AMPD2: variants seen among roughly 807,000 people sequenced by gnomAD.
The protein encoded by AMPD2 is adenosine monophosphate deaminase 2.
In AMPD2, 52 loss-of-function variants were observed where a neutral mutation model predicts 91.3. That is an observed-to-expected ratio of 0.57 (90% CI 0.46 to 0.72). The LOEUF (loss-of-function observed/expected upper bound fraction) is 0.72, where lower values mean the gene tolerates loss of function less well. AMPD2 is among the 30% of genes least tolerant of loss of function. The probability of loss-of-function intolerance (pLI) is 0.00; values close to 1 mark genes in which losing one functional copy is unlikely to be tolerated. For synonymous variants in AMPD2, 455 were observed against 456.4 expected (o/e 1.00, Z 0.04); for missense variants, 822 against 1,122.3 (o/e 0.73, Z 3.82).
intron 9 of AMPD2, 43 bp from the exon 10 acceptor site, chr1:109,627,731 C>T (rs1296817965): frequency 1.9e-6 from 3 of 1,607,216 alleles, no homozygotes; most frequent in Admixed American, 3.4e-5. Context: ...CCAGGTGCCT[C>T]CCTTCAGGGC....
intron 2 of AMPD2, chr1:109,622,243 A>G (rs1301971008): frequency 2.2e-6 from 1 of 456,344 alleles, no homozygotes; most frequent in Admixed American, 2.3e-5. Flanking sequence ...GGTCTGTGCC[A>G]TCCAGAAAGG....
Position 109,621,188 on chromosome 1 carries a change from C to G in AMPD2, c.13C>G (p.Pro5Ala). MASY[P>A]SGSGKPKAKY... ...CGTGGTCCCAGCCATGGCATCCTAT[C>G]CATCTGGCTCTGGCAAGCCCAAGGC... Residue 5 changes from proline (P) to alanine (A), a missense_variant, in exon 2 of 19, where the codon CCA becomes GCA. Transcript: ENST00000528667. 6.2e-7 allele frequency: 1 copy of G among 1,605,938 alleles called. No homozygotes were observed. Among genetic ancestry groups the G allele is most frequent in the Non-Finnish European group, 8.5e-7 (1 of 1,175,908 alleles).
chr1:109,620,856 TG>T (rs1650186686), intron 1 of AMPD2, 57 bp from the exon 2 acceptor site: 2 of 1,434,072 alleles, frequency 1.4e-6, no homozygotes, highest in Non-Finnish European at 1.8e-6. Context: ...AGTGGAGAGC[TG>T]GGGGCTGGCC....
At chr1:109,630,602 AGAGT>A in intron 17 of AMPD2, 77 bp from the exon 18 acceptor site, 1 of 1,203,324 alleles carries the variant, frequency 8.3e-7, no homozygotes, top group Admixed American at 2.1e-5. Context: ...GGGGGTGGGG[AGAGT>A]GAGTGAGGAG....
rs114463063 is a variant in AMPD2 at position 109,627,311 on chromosome 1, C to A, written c.855C>A (p.Asp285Glu). Residue 285 changes from aspartate to glutamate, a missense_variant, in exon 8 of 19, where the codon GAC becomes GAA. Physicochemically the swap from Asp to Glu is conservative, Grantham distance 45. Transcript: ENST00000528667. ...VVHVYTRREP[D>E]EHCSEVELPY... ...ACGTCTACACCCGCAGGGAACCCGA[C>A]GAGCAGTAAGAGGGGTGTGGTGCAT... 1.9e-6 allele frequency: 3 copies of A among 1,604,380 alleles called. No homozygotes were observed. Among genetic ancestry groups the A allele is most frequent in the African/African-American group, 1.3e-5 (1 of 74,848 alleles).
chr1:109,620,563 C>A, intron 1 of AMPD2: 1 of 1,261,582 alleles, frequency 7.9e-7, no homozygotes. Flanking sequence ...CGGGACAGGC[C>A]CCTCCCTCCT....
rs1650591141 is a variant in AMPD2 at position 109,625,496 on chromosome 1, ACCCCTCACCTCAAGCTGT to A, written c.222+76_222+93del. 2 of 1,606,078 alleles carry A rather than the reference ACCCCTCACCTCAAGCTGT, an allele frequency of 1.2e-6. No homozygotes were observed. Among genetic ancestry groups the A allele is most frequent in the African/African-American group, 2.7e-5 (2 of 74,504 alleles). ...TCCATGCCCTGCCTCTGCTCCCCAC[ACCCCTCACCTCAAGCTGT>A]CCCCTCACCTCACGCTTGGCTGTCT... On this transcript the variant is annotated intron_variant, in intron 3 of 18. Coordinates refer to ENST00000528667, the MANE Select transcript of AMPD2 (RefSeq NM_001368809.2). This position sits in a 1 kb window ranked among gnomAD's most constrained non-coding sequence, Gnocchi z 4.0.
intron 1 of AMPD2, 180 bp from the exon 2 acceptor site, chr1:109,620,734 C>T: frequency 1.3e-5 from 16 of 1,243,154 alleles, no homozygotes; most frequent in Non-Finnish European, 1.6e-5. Flanking sequence ...CTGCTGAATT[C>T]CTGTTTGTTA....
intron 17 of AMPD2, 114 bp from the exon 18 acceptor site, chr1:109,630,569 G>A (rs1651138306): frequency 2.1e-6 from 2 of 959,818 alleles, no homozygotes; most frequent in Non-Finnish European, 3.1e-6. Context: ...TGAGGGGTTG[G>A]GGGGTTGGGG....
Position 109,625,465 on chromosome 1 carries a change from C to T in AMPD2, c.222+32C>T, listed in dbSNP as rs368565691. 3.2e-5 allele frequency: 51 copies of T among 1,613,354 alleles called. No individual in the cohort carries two copies. The highest frequency in any genetic ancestry group is 3.6e-5 in the Non-Finnish European group (42 of 1,179,776). On this transcript the variant is annotated intron_variant, in intron 3 of 18. Coordinates refer to ENST00000528667, the MANE Select transcript of AMPD2 (RefSeq NM_001368809.2). The surrounding 1 kb of genome is among the most constrained non-coding windows in gnomAD (Gnocchi z 4.0). ...CCTGGCACCACCCGCACCCTCACCCCGTGTCTCCATGCCCTGCCTCTGCTC... is the reference window on the plus strand; with the variant it reads ...CCTGGCACCACCCGCACCCTCACCCTGTGTCTCCATGCCCTGCCTCTGCTC...
intron 2 of AMPD2, chr1:109,621,473 C>T: frequency 3.0e-6 from 2 of 669,570 alleles, no homozygotes; most frequent in South Asian, 1.7e-5. Context: ...ATATCTGTGC[C>T]AGGGATGCTG....
chr1:109,626,808 T>C lies in AMPD2; in HGVS notation c.614T>C (p.Leu205Pro). ...CGGGAGAAGTACATGGCCCTGTCCC[T>C]GCAGAGCTTCTGCCCCACCACCCGC... ...FIREKYMALS[L>P]QSFCPTTRRY... The change falls in exon 7 of 19, where the codon CTG (leucine) becomes CCG (proline). Residue 205 changes from leucine (L) to proline (P), a missense_variant. Coordinates refer to ENST00000528667, the MANE Select transcript of AMPD2 (RefSeq NM_001368809.2). The C allele has an allele frequency of 6.2e-7, 1 of 1,613,838 alleles. No homozygotes were observed. Among genetic ancestry groups the C allele is most frequent in the Non-Finnish European group, 8.5e-7 (1 of 1,179,922 alleles).
chr1:109,630,282 T>G lies in AMPD2; in HGVS notation c.2033T>G (p.Met678Arg). ...LYYLAQIGIA[M>R]SPLSNNSLFL... The stretch of plus-strand genomic sequence containing the variant: ...TACCTGGCCCAGATCGGCATCGCCA[T>G]GTCTCCGCTCAGCAACAACAGCCTC... Residue 678 changes from methionine to arginine, a missense_variant, in exon 17 of 19, where the codon ATG becomes AGG. By Grantham distance (91) the Met-to-Arg change is moderately conservative. Transcript: ENST00000528667. 6.2e-7 allele frequency: 1 copy of G among 1,613,768 alleles called. No individual in the cohort carries two copies.
At position 109,624,157 on chromosome 1, in the gene AMPD2, C is replaced by T. The variant is rs142058911; in HGVS notation, c.92-1146C>T. ...CTGGATCTGGGGCAGGCCCCTCCCT[C>T]TTCCCTTTGTCCAGCTTTGGGACCA... is the stretch of plus-strand genomic sequence containing the variant. On this transcript the variant is annotated intron_variant, in intron 2 of 18. Coordinates refer to ENST00000528667, the MANE Select transcript of AMPD2 (RefSeq NM_001368809.2). The surrounding 1 kb of genome is among the most constrained non-coding windows in gnomAD (Gnocchi z 5.2). 4.7e-6 allele frequency: 4 copies of T among 859,474 alleles called. No homozygotes were observed. The African/African-American group carries it at 7.3e-5, about 16-fold the overall frequency. 53.2% of individuals were successfully genotyped at this position (859,474 alleles called of 1,614,324 possible).
intron 2 of AMPD2, chr1:109,623,937 G>C (rs577850603): frequency 2.1e-6 from 2 of 941,954 alleles, no homozygotes; most frequent in East Asian, 1.2e-4. Context: ...AACTCCCCTA[G>C]CTCCGTGCTC....
chr1:109,626,471 CTT>C, intron 6 of AMPD2, 44 bp downstream of exon 6: 1 of 1,527,306 alleles, frequency 6.5e-7, no homozygotes, highest in Non-Finnish European at 8.8e-7. Flanking sequence ...TCACCTATGT[CTT>C]AGTGGGTTCC....
rs147146700 is a variant in AMPD2 at position 109,630,373 on chromosome 1, C to T, written c.2124C>T (p.Ser708=). Residue 708 remains serine, a synonymous_variant, in exon 17 of 19, where the codon TCC becomes TCT. Transcript: ENST00000528667. ...CCCGCGGCCTCATGGTCTCCCTGTC[C>T]ACTGATGATCCCTTGCAGTTCCACT... ...YLSRGLMVSL[S]TDDPLQFHFT... The T allele has an allele frequency of 7.5e-5, 121 of 1,613,580 alleles. No individual in the cohort carries two copies. The African/African-American group carries it at 1.0e-3, about 14-fold the overall frequency.
In AMPD2 at chr1:109,627,918, C is replaced by T. The variant is rs183445342; in HGVS notation, c.1080+15C>T. The T allele has an allele frequency of 3.5e-4, 562 of 1,613,804 alleles. No individual in the cohort carries two copies. Among genetic ancestry groups the T allele is most frequent in the Non-Finnish European group, 4.1e-4 (480 of 1,179,854 alleles). On this transcript the variant is annotated intron_variant, in intron 10 of 18. Transcript: ENST00000528667. ...ACATCCGCAAGGTGGGCCCTCACCC[C>T]GTGGCCGTCTCCATGTCCTCATCCC...
At chr1:109,623,315 C>G (rs571683936) in intron 2 of AMPD2, among the ~76,000 whole-genome samples, 1 of 152,280 alleles carries the variant, frequency 6.6e-6, no homozygotes, top group South Asian at 2.1e-4. Flanking sequence ...GAGACATGCC[C>G]GGAAGCAGGA....
Sources: gnomAD v4.1 joint callset for allele counts (sites outside exome capture counted in the v4.1 genomes callset) on GRCh38, gnomAD v4.1.1 for gene constraint, Gnocchi (gnomAD v3.1) non-coding constraint, MANE v1.5 for transcripts, NCBI Gene and HGNC (gene_info 2026-07-23, HGNC 2026-07-21) for gene names.